The following TBX4 variants were observed in gnomAD, a reference collection of about 807,000 sequenced individuals.
The protein encoded by TBX4 is T-box transcription factor 4.
Under a neutral mutation model 54.6 loss-of-function variants are expected in TBX4, and 13 were observed. That is an observed-to-expected ratio of 0.24 (90% CI 0.15 to 0.38). The LOEUF is 0.38. Ranked by LOEUF, TBX4 falls within the 10% of genes least tolerant of loss-of-function variation. TBX4 has a pLI of 1.00. For missense variants in TBX4, 631 were observed against 728.5 expected, an observed-to-expected ratio of 0.87 and a Z score of 1.54; for synonymous variants, 314 against 306.7, an observed-to-expected ratio of 1.02 and a Z score of -0.25.
chr17:61,458,553 T>C (rs2060471564), intron 3 of TBX4, among the ~76,000 whole-genome samples: 1 of 152,108 alleles, frequency 6.6e-6, no homozygotes, highest in African/African-American at 2.4e-5. Flanking sequence ...AATAAGATGA[T>C]GAAGGCTCAA....
chr17:61,483,236 C>T lies in TBX4; in HGVS notation c.1361C>T (p.Pro454Leu), dbSNP rs1481280349. Residue 454 changes from proline to leucine, a missense_variant, in exon 9 of 9, where the codon CCG (proline) becomes CTG (leucine). Physicochemically the swap from Pro to Leu is moderately conservative, Grantham distance 98 (BLOSUM62 -3). Around this residue, in one of 3 missense-constraint regions of TBX4, gnomAD observed 354 missense variants for 368.9 expected, o/e 0.96. Coordinates refer to ENST00000644296, the MANE Select transcript of TBX4 (RefSeq NM_001321120.2). The surrounding 1 kb of genome is among the most constrained non-coding windows in gnomAD (Gnocchi z 6.6). ...PTHFTATTMM[P>L]RLPTLSAQSS... ...CACTTCACCGCCACCACCATGATGC[C>T]GCGGCTGCCCACCCTCTCCGCTCAG... 3.7e-6 allele frequency: 6 copies of T among 1,614,056 alleles called. No individual in the cohort carries two copies. Among genetic ancestry groups the T allele is most frequent in the African/African-American group, 2.7e-5 (2 of 74,912 alleles).
At position 61,484,419 on chromosome 17, in the gene TBX4, C is replaced by T. The variant is rs911013565; in HGVS notation, c.*903C>T. 5.3e-5 allele frequency: 8 copies of T among 152,184 alleles called. No homozygotes were observed. Among genetic ancestry groups the T allele is most frequent in the African/African-American group, 1.9e-4 (8 of 41,428 alleles). The allele number at this position is 152,184 out of a possible 1,614,324, so 9.4% of individuals were successfully genotyped here. On this transcript the variant is annotated 3_prime_UTR_variant, in exon 9 of 9. Transcript: ENST00000644296. The surrounding 1 kb of genome is among the most constrained non-coding windows in gnomAD (Gnocchi z 4.1). ...TGATGGGCAATTATGAAACACGCCTCAGCTGGCATCATCCCCAGGAGGCCA... is the reference window on the plus strand; with the variant it reads ...TGATGGGCAATTATGAAACACGCCTTAGCTGGCATCATCCCCAGGAGGCCA...
intron 5 of TBX4, among the ~76,000 whole-genome samples, chr17:61,473,911 G>A (rs558290322): frequency 1.8e-4 from 28 of 152,300 alleles, no homozygotes; most frequent in South Asian, 6.2e-4. Flanking sequence ...GAGGCCCCAC[G>A]GTACCACCCC....
chr17:61,466,642 C>T (rs923871685), intron 4 of TBX4, among the ~76,000 whole-genome samples: 1 of 152,246 alleles, frequency 6.6e-6, no homozygotes, highest in Non-Finnish European at 1.5e-5. Context: ...AGCCACAGAG[C>T]TGGAGAGATT....
rs1329452110 is a variant in TBX4, at chr17:61,481,288, GT to G, written c.1021+973del. The stretch of plus-strand genomic sequence containing the variant: ...AAATTAAAGTTTTAGTGTCCATAAA[GT>G]TTTATTGGAACACAGCCATACCCAT... On this transcript the variant is annotated intron_variant, in intron 8 of 8. Coordinates refer to ENST00000644296, the MANE Select transcript of TBX4 (RefSeq NM_001321120.2). The surrounding 1 kb of genome is among the most constrained non-coding windows in gnomAD (Gnocchi z 4.8). 6.6e-6 allele frequency: 1 copy of G among 152,216 alleles called. No individual in the cohort carries two copies. Among genetic ancestry groups the G allele is most frequent in the African/African-American group, 2.4e-5 (1 of 41,454 alleles). 9.4% of individuals were successfully genotyped at this position (152,216 alleles called of 1,614,324 possible).
rs536131335 is a variant in TBX4, at chr17:61,479,298, C to T, written c.702+519C>T. On this transcript the variant is annotated intron_variant, in intron 6 of 8. Coordinates refer to ENST00000644296, the MANE Select transcript of TBX4 (RefSeq NM_001321120.2). This position sits in a 1 kb window ranked among gnomAD's most constrained non-coding sequence, Gnocchi z 6.1. ...CAGCCCGGCCACCCCCACTGCATCC[C>T]AGTCACTGACAGCCGTGCTCTGCCG... 2.0e-4 allele frequency among the ~76,000 whole-genome samples: 30 copies of T among 152,294 alleles called. No homozygotes were observed. Among genetic ancestry groups the T allele is most frequent in the African/African-American group, 7.0e-4 (29 of 41,562 alleles).
chr17:61,478,317 T>C lies in TBX4; in HGVS notation c.550-310T>C, dbSNP rs2060637150. The C allele has an allele frequency of 2.3e-6, 1 of 433,220 alleles. No homozygotes were observed. The highest frequency in any genetic ancestry group is 3.5e-5 in the Admixed American group (1 of 28,808). The allele number at this position is 433,220 out of a possible 1,614,324, so 26.8% of individuals were successfully genotyped here. ...CTGCTACACTGTGCTGAGTTCACAG[T>C]GGGCTTTGACAGTGTTAAGGGCTGA... On this transcript the variant is annotated intron_variant, in intron 5 of 8. Coordinates refer to ENST00000644296, the MANE Select transcript of TBX4 (RefSeq NM_001321120.2). This position sits in a 1 kb window ranked among gnomAD's most constrained non-coding sequence, Gnocchi z 7.4.
rs987240091 is a variant in TBX4 at position 61,481,142 on chromosome 17, G to A, written c.1021+823G>A. Reference sequence around the variant, plus strand: ...ATTAGAACTCAATGACCTAGAGCACGGGTTGGCAAACTGTGGCCTTCGGAC... The same window carrying A: ...ATTAGAACTCAATGACCTAGAGCACAGGTTGGCAAACTGTGGCCTTCGGAC... On this transcript the variant is annotated intron_variant, in intron 8 of 8. Coordinates refer to ENST00000644296, the MANE Select transcript of TBX4 (RefSeq NM_001321120.2). The surrounding 1 kb of genome is among the most constrained non-coding windows in gnomAD (Gnocchi z 4.8). Among the ~76,000 whole-genome samples the A allele has an allele frequency of 1.4e-4, 21 of 152,224 alleles. No individual in the cohort carries two copies. The highest frequency in any genetic ancestry group is 3.9e-4 in the African/African-American group (16 of 41,542).
rs567886373 is a variant in TBX4, at chr17:61,479,222, G to C, written c.702+443G>C. On this transcript the variant is annotated intron_variant, in intron 6 of 8. Transcript: ENST00000644296. The surrounding 1 kb of genome is among the most constrained non-coding windows in gnomAD (Gnocchi z 6.1). ...GAGCCTGAGCGGAGGCCCTTCCCAG[G>C]CTGTGATAGGAGGTGCCCCAGCCAC... is the stretch of plus-strand genomic sequence containing the variant. 6.6e-6 allele frequency among the ~76,000 whole-genome samples: 1 copy of C among 152,248 alleles called. No homozygotes were observed. Among genetic ancestry groups the C allele is most frequent in the Non-Finnish European group, 1.5e-5 (1 of 68,012 alleles).
Position 61,459,771 on chromosome 17 carries a change from C to G in TBX4, c.281+2140C>G, listed in dbSNP as rs548002927. On this transcript the variant is annotated intron_variant, in intron 3 of 8. Transcript: ENST00000644296. The surrounding 1 kb of genome is among the most constrained non-coding windows in gnomAD (Gnocchi z 4.8). ...TTGGCCAATTATGGATCCATCACAG[C>G]CTTTCACTTCTCTGGCAGAAAGTTA... Among the ~76,000 whole-genome samples, 465 of 152,270 alleles carry G rather than the reference C, an allele frequency of 3.1e-3. 3 individuals carry two copies. The highest frequency in any genetic ancestry group is 0.011 in the African/African-American group (444 of 41,552).
chr17:61,455,306 C>T (rs1028855710), intron 1 of TBX4, among the ~76,000 whole-genome samples: 2 of 152,098 alleles, frequency 1.3e-5, no homozygotes, highest in Non-Finnish European at 2.9e-5. Context: ...CCGGGGAGAG[C>T]GGGAAGAAGG....
intron 5 of TBX4, among the ~76,000 whole-genome samples, chr17:61,469,507 C>T (rs1051886010): frequency 6.6e-6 from 1 of 152,190 alleles, no homozygotes; most frequent in African/African-American, 2.4e-5. Flanking sequence ...AGAGCATCTT[C>T]CTTCTCCCTT....
rs1219282570 is a variant in TBX4, at chr17:61,475,061, A to G, written c.550-3566A>G. Among the ~76,000 whole-genome samples, 2 of 152,170 alleles carry G rather than the reference A, an allele frequency of 1.3e-5. No individual in the cohort carries two copies. Among genetic ancestry groups the G allele is most frequent in the Admixed American group, 1.3e-4 (2 of 15,280 alleles). Reference sequence around the variant, plus strand: ...GAACAGAGATCATGACGGCGTCTGCACCCTTCTTGACTTCTCTATGACCGG... The same window carrying G: ...GAACAGAGATCATGACGGCGTCTGCGCCCTTCTTGACTTCTCTATGACCGG... On this transcript the variant is annotated intron_variant, in intron 5 of 8. Coordinates refer to ENST00000644296, the MANE Select transcript of TBX4 (RefSeq NM_001321120.2). This position sits in a 1 kb window ranked among gnomAD's most constrained non-coding sequence, Gnocchi z 5.0.
At position 61,480,405 on chromosome 17, in the gene TBX4, CA is replaced by C; in HGVS notation, c.1021+88del. ...AACCACTCTGCAGCGCCCCCCCCCC[CA>C]ACACACACACACTCATCTCGTGCTT... On this transcript the variant is annotated intron_variant, in intron 8 of 8. Transcript: ENST00000644296. This position sits in a 1 kb window ranked among gnomAD's most constrained non-coding sequence, Gnocchi z 6.2. 3.0e-6 allele frequency: 3 copies of C among 993,306 alleles called. No homozygotes were observed. Among genetic ancestry groups the C allele is most frequent in the Non-Finnish European group, 4.6e-6 (3 of 659,268 alleles). The allele number at this position is 993,306 out of a possible 1,614,324, so 61.5% of individuals were successfully genotyped here. A position where few individuals can be genotyped will look rare whatever the true frequency, so the allele number is the denominator to read the frequency against.
Position 61,480,636 on chromosome 17 carries a change from T to G in TBX4, c.1021+317T>G, listed in dbSNP as rs1346111129. ...GAGAGCCTCGTGGGGTGAGCTGGGC[T>G]CTGCCTGGAAGTGCAGGAAGAGGCT... On this transcript the variant is annotated intron_variant, in intron 8 of 8. Transcript: ENST00000644296. The surrounding 1 kb of genome is among the most constrained non-coding windows in gnomAD (Gnocchi z 6.2). Among the ~76,000 whole-genome samples the G allele has an allele frequency of 6.6e-6, 1 of 152,210 alleles. No homozygotes were observed. Among genetic ancestry groups the G allele is most frequent in the African/African-American group, 2.4e-5 (1 of 41,458 alleles).
rs1285317023 is a variant in TBX4, at chr17:61,475,351, G to A, written c.550-3276G>A. Among the ~76,000 whole-genome samples the A allele has an allele frequency of 6.6e-6, 1 of 152,198 alleles. No individual in the cohort carries two copies. Among genetic ancestry groups the A allele is most frequent in the Non-Finnish European group, 1.5e-5 (1 of 68,048 alleles). ...TGGCAGCAGTGGTAGGAGGGGATGT[G>A]GGGGAAAGAGGAGGAAATACAAAAG... On this transcript the variant is annotated intron_variant, in intron 5 of 8. Transcript: ENST00000644296. This position sits in a 1 kb window ranked among gnomAD's most constrained non-coding sequence, Gnocchi z 5.0.
At chr17:61,455,895 T>C (rs957809945) in intron 1 of TBX4, among the ~76,000 whole-genome samples, 5 of 151,886 alleles carry the variant, frequency 3.3e-5, no homozygotes, top group Non-Finnish European at 7.4e-5. Context: ...TGTGTTGGAG[T>C]GAAAGCCTTT....
Position 61,475,973 on chromosome 17 carries a change from A to G in TBX4, c.550-2654A>G, listed in dbSNP as rs2060617660. On this transcript the variant is annotated intron_variant, in intron 5 of 8. Coordinates refer to ENST00000644296, the MANE Select transcript of TBX4 (RefSeq NM_001321120.2). The surrounding 1 kb of genome is among the most constrained non-coding windows in gnomAD (Gnocchi z 5.0). ...GAGATGATCTCGTCTTTAGTGAGCAAGCAAAGACCAGAGAGGAGGGGACTT... is the reference window on the plus strand; with the variant it reads ...GAGATGATCTCGTCTTTAGTGAGCAGGCAAAGACCAGAGAGGAGGGGACTT... 6.6e-6 allele frequency among the ~76,000 whole-genome samples: 1 copy of G among 152,104 alleles called. No homozygotes were observed. The highest frequency in any genetic ancestry group is 2.4e-5 in the African/African-American group (1 of 41,414).
rs1469433880 is a variant in TBX4, at chr17:61,484,935, CAT to C, written c.*1423_*1424del. 3 of 115,558 alleles carry C rather than the reference CAT, an allele frequency of 2.6e-5. No individual in the cohort carries two copies. Among genetic ancestry groups the C allele is most frequent in the East Asian group, 2.7e-4 (1 of 3,768 alleles). 7.2% of individuals were successfully genotyped at this position (115,558 alleles called of 1,614,324 possible). ...AAAACTAAGAATGGTTTAGATAAAA[CAT>C]ATAAATAAATATATATATATATATA... On this transcript the variant is annotated 3_prime_UTR_variant, in exon 9 of 9. Coordinates refer to ENST00000644296, the MANE Select transcript of TBX4 (RefSeq NM_001321120.2). The surrounding 1 kb of genome is among the most constrained non-coding windows in gnomAD (Gnocchi z 4.1).
Sources: gnomAD v4.1 joint callset for allele counts (sites outside exome capture counted in the v4.1 genomes callset) on GRCh38, gnomAD v4.1.1 for gene constraint, gnomAD v4.1.1 regional missense constraint, Gnocchi (gnomAD v3.1) non-coding constraint, MANE v1.5 for transcripts, NCBI Gene and HGNC (gene_info 2026-07-23, HGNC 2026-07-21) for gene names.